AGBL4: variants seen among roughly 807,000 people sequenced by gnomAD.
AGBL4 encodes the protein cytosolic carboxypeptidase 6.
Under a neutral mutation model 66.4 loss-of-function variants are expected in AGBL4, and 58 were observed. That is an observed-to-expected ratio of 0.87 (90% confidence interval 0.71 to 1.09). The LOEUF (loss-of-function observed/expected upper bound fraction) is 1.09. AGBL4 is among the 50% of genes least tolerant of loss of function. The probability of loss-of-function intolerance (pLI) is 0.00; values close to 1 mark genes in which losing one functional copy is unlikely to be tolerated. For synonymous variants in AGBL4, 234 were observed against 222.9 expected (o/e 1.05, Z -0.44); for missense variants, 579 against 631.0 (o/e 0.92, Z 0.88).
rs185278310 is a variant in AGBL4, at chr1:48,907,372, A to G, written c.595-40142T>C. Among the ~76,000 whole-genome samples, 472 of 152,350 alleles carry G rather than the reference A, an allele frequency of 3.1e-3. 3 individuals are homozygous for G. The highest frequency in any genetic ancestry group is 0.01 in the African/African-American group (420 of 41,578). ...TTGAATAAAATAATGTAGCTGTCAT[A>G]CTATGTTGCTGAATAAATGAGCACT... On this transcript the variant is annotated intron_variant, in intron 5 of 13. Coordinates refer to ENST00000371839, the MANE Select transcript of AGBL4 (RefSeq NM_032785.4).
chr1:49,291,555 A>G (rs533395429), intron 3 of AGBL4, among the ~76,000 whole-genome samples: 2 of 152,376 alleles, frequency 1.3e-5, no homozygotes, highest in African/African-American at 4.8e-5. Context: ...ATACAAGAGT[A>G]TATCTGGTAT....
chr1:49,042,362 A>G (rs1643965688), intron 5 of AGBL4, among the ~76,000 whole-genome samples: 1 of 152,188 alleles, frequency 6.6e-6, no homozygotes, highest in Non-Finnish European at 1.5e-5. Flanking sequence ...TAGAGCTGAA[A>G]GCAGAATTCA....
intron 1 of AGBL4, among the ~76,000 whole-genome samples, chr1:49,933,987 C>T (rs1412830122): frequency 1.3e-5 from 2 of 152,016 alleles, no homozygotes; most frequent in Non-Finnish European, 2.9e-5. Context: ...AAAACAAGAT[C>T]CAAGTATATG....
At chr1:49,880,709 C>G (rs555356359) in intron 1 of AGBL4, among the ~76,000 whole-genome samples, 2,068 of 152,278 alleles carry the variant, frequency 0.014, 61 homozygotes, top group African/African-American at 0.048. Context: ...TTCCCGGCTG[C>G]TTTGTTTACC....
At chr1:49,092,623 G>C (rs763045381) in intron 4 of AGBL4, among the ~76,000 whole-genome samples, 1 of 152,062 alleles carries the variant, frequency 6.6e-6, no homozygotes, top group African/African-American at 2.4e-5. Flanking sequence ...TATCAATTTT[G>C]TTCTTGTTTC....
At chr1:48,830,055 GA>G (rs1646515039) in intron 6 of AGBL4, among the ~76,000 whole-genome samples, 1 of 152,048 alleles carries the variant, frequency 6.6e-6, no homozygotes. Flanking sequence ...GCAGCCACAG[GA>G]AAAGAGGTCT....
chr1:49,150,917 T>G (rs1362949648), intron 4 of AGBL4, among the ~76,000 whole-genome samples: 1 of 152,136 alleles, frequency 6.6e-6, no homozygotes, highest in Non-Finnish European at 1.5e-5. Context: ...CTGAGAAATA[T>G]TTCTGAAATT....
intron 2 of AGBL4, among the ~76,000 whole-genome samples, chr1:49,831,364 G>A (rs1052914236): frequency 6.6e-6 from 1 of 152,120 alleles, no homozygotes; most frequent in Non-Finnish European, 1.5e-5. Flanking sequence ...TGTTCTCTTT[G>A]TAGCAATTGT....
chr1:48,934,903 A>G (rs1655325360), intron 5 of AGBL4, among the ~76,000 whole-genome samples: 1 of 152,204 alleles, frequency 6.6e-6, no homozygotes, highest in Non-Finnish European at 1.5e-5. Flanking sequence ...GTTTCTTTGT[A>G]TGATCATGCT....
At chr1:48,735,804 C>G (rs570435242) in intron 6 of AGBL4, among the ~76,000 whole-genome samples, 1 of 152,134 alleles carries the variant, frequency 6.6e-6, no homozygotes, top group South Asian at 2.1e-4. Context: ...AGCAGCATTC[C>G]TTTCCCATCT....
Position 49,740,990 on chromosome 1 carries a change from C to A in AGBL4, c.158-43553G>T, listed in dbSNP as rs375234913. On this transcript the variant is annotated intron_variant, in intron 2 of 13. Coordinates refer to ENST00000371839, the MANE Select transcript of AGBL4 (RefSeq NM_032785.4). The stretch of plus-strand genomic sequence containing the variant: ...CACCCTAACATCACAATTAAAATAA[C>A]TAGAGAAGCAAGAGAAAACACATTC... Among the ~76,000 whole-genome samples the A allele has an allele frequency of 3.3e-4, 50 of 152,152 alleles. 1 individual carries two copies. The South Asian group carries it at 9.5e-3, about 29-fold the overall frequency.
intron 6 of AGBL4, among the ~76,000 whole-genome samples, chr1:48,783,164 G>C (rs543050584): frequency 6.6e-6 from 1 of 152,276 alleles, no homozygotes; most frequent in African/African-American, 2.4e-5. Context: ...GAGGGCCACT[G>C]TCTTCTCAGG....
intron 3 of AGBL4, among the ~76,000 whole-genome samples, chr1:49,265,030 A>G (rs1046532836): frequency 2.6e-5 from 4 of 151,878 alleles, no homozygotes; most frequent in Non-Finnish European, 4.4e-5. Context: ...ATGTTTTAAA[A>G]TTTTTTGTTA....
At chr1:48,955,002 T>C (rs939456700) in intron 5 of AGBL4, among the ~76,000 whole-genome samples, 1 of 152,156 alleles carries the variant, frequency 6.6e-6, no homozygotes, top group Non-Finnish European at 1.5e-5. Context: ...CGTGATTAAG[T>C]GGTGTGCACA....
intron 3 of AGBL4, among the ~76,000 whole-genome samples, chr1:49,657,392 C>A (rs1335638134): frequency 6.6e-6 from 1 of 151,970 alleles, no homozygotes; most frequent in African/African-American, 2.4e-5. Context: ...TCCATGCTCA[C>A]GGATAGGAAG....
intron 3 of AGBL4, among the ~76,000 whole-genome samples, chr1:49,640,352 C>T (rs575278637): frequency 6.6e-6 from 1 of 152,164 alleles, no homozygotes; most frequent in Non-Finnish European, 1.5e-5. Flanking sequence ...TGTAATTTCC[C>T]TCTGTAAAAG....
intron 4 of AGBL4, among the ~76,000 whole-genome samples, chr1:49,103,741 A>T (rs1353151841): frequency 5.9e-5 from 9 of 152,154 alleles, no homozygotes; most frequent in Non-Finnish European, 1.3e-4. Flanking sequence ...AACCTAGGGA[A>T]ATTTGGATAC....
At chr1:49,950,052 G>GTA (rs1407464491) in intron 1 of AGBL4, among the ~76,000 whole-genome samples, 2 of 132,514 alleles carry the variant, frequency 1.5e-5, no homozygotes, top group African/African-American at 2.8e-5. Context: ...ACACATATGT[G>GTA]TATATATACA....
intron 6 of AGBL4, among the ~76,000 whole-genome samples, chr1:48,673,288 C>T (rs1557869969): frequency 1.3e-5 from 2 of 152,086 alleles, no homozygotes; most frequent in Non-Finnish European, 2.9e-5. Flanking sequence ...AATACAATTT[C>T]CCCAAGCAGA....
Sources: allele counts gnomAD v4.1 joint callset (sites outside exome capture counted in the v4.1 genomes callset), GRCh38; gene constraint gnomAD v4.1.1; transcripts MANE v1.5; gene names NCBI Gene and HGNC (gene_info 2026-07-23, HGNC 2026-07-21).